TTL: variants seen among roughly 807,000 people sequenced by gnomAD.
TTL encodes the protein tubulin--tyrosine ligase.
TTL carries 10 observed loss-of-function variants against 41.1 expected under a neutral mutation model. The observed-to-expected ratio is 0.24, with a 90% CI of 0.15 to 0.41. The LOEUF (loss-of-function observed/expected upper bound fraction) is 0.41. Ranked by LOEUF, TTL falls within the 10% of genes least tolerant of loss-of-function variation. The pLI is 1.00. For missense variants in TTL, 367 were observed against 460.4 expected (o/e 0.80, Z 1.86); for synonymous variants, 175 against 175.5 (o/e 1.00, Z 0.02).
intron 2 of TTL, among the ~76,000 whole-genome samples, chr2:112,491,938 A>G (rs962647699): frequency 6.6e-6 from 1 of 152,134 alleles, no homozygotes; most frequent in African/African-American, 2.4e-5. Flanking sequence ...CCACGTCAGT[A>G]GTATGCCTTC....
chr2:112,497,999 C>A (rs1435242617), intron 3 of TTL, among the ~76,000 whole-genome samples: 3 of 152,196 alleles, frequency 2.0e-5, no homozygotes, highest in Admixed American at 2.0e-4. Flanking sequence ...TATGTGCCAA[C>A]AATGAACATG....
chr2:112,533,084 A>G lies in TTL; in HGVS notation c.*4289A>G, dbSNP rs776570642. On this transcript the variant is annotated 3_prime_UTR_variant, in exon 7 of 7. Coordinates refer to ENST00000233336, the MANE Select transcript of TTL (RefSeq NM_153712.5). ...TTAACTTGTAACTTCTTGTGCAATA[A>G]GGCTGAATGCTTTGGACATCTTTCC... is the stretch of plus-strand genomic sequence containing the variant. 6.6e-6 allele frequency: 1 copy of G among 152,264 alleles called. No individual in the cohort carries two copies. Among genetic ancestry groups the G allele is most frequent in the African/African-American group, 2.4e-5 (1 of 41,472 alleles). The allele number at this position is 152,264 out of a possible 1,614,324, so 9.4% of individuals were successfully genotyped here. A position where few individuals can be genotyped will look rare whatever the true frequency, so the allele number is the denominator to read the frequency against.
At chr2:112,524,066 T>C (rs1318676026) in intron 6 of TTL, among the ~76,000 whole-genome samples, 6 of 152,158 alleles carry the variant, frequency 3.9e-5, no homozygotes, top group Admixed American at 3.9e-4. Context: ...ATCCCTGTGA[T>C]AGTTTGCTCA....
chr2:112,498,277 C>T lies in TTL; in HGVS notation c.470-2929C>T, dbSNP rs562578914. Among the ~76,000 whole-genome samples, 6 of 152,040 alleles carry T rather than the reference C, an allele frequency of 3.9e-5. No homozygotes were observed. The East Asian group carries it at 5.8e-4, about 15-fold the overall frequency. ...GGCAGAGGTTGCAGTGAGCTGAGAT[C>T]GCACCATTGCACTCCAGCTTGGGCA... On this transcript the variant is annotated intron_variant, in intron 3 of 6. Transcript: ENST00000233336.
At position 112,509,551 on chromosome 2, in the gene TTL, A is replaced by G. The variant is rs530632268; in HGVS notation, c.875+6370A>G. Reference sequence around the variant, plus strand: ...TTCTTAAGCCGGTCTGAAAAGCGCAATATTCGGGTGGGAGTGACCCGATTT... The same window carrying G: ...TTCTTAAGCCGGTCTGAAAAGCGCAGTATTCGGGTGGGAGTGACCCGATTT... On this transcript the variant is annotated intron_variant, in intron 5 of 6. Coordinates refer to ENST00000233336, the MANE Select transcript of TTL (RefSeq NM_153712.5). 4.6e-5 allele frequency among the ~76,000 whole-genome samples: 7 copies of G among 152,204 alleles called. No homozygotes were observed. In the South Asian group the frequency reaches 6.2e-4, roughly 14 times the overall value.
rs781653966 is a variant in TTL, at chr2:112,486,002, G to A, written c.236+7G>A. The A allele has an allele frequency of 5.6e-6, 9 of 1,613,362 alleles. No homozygotes were observed. The highest frequency in any genetic ancestry group is 7.6e-6 in the Non-Finnish European group (9 of 1,179,682). On this transcript the variant is annotated splice_region_variant and intron_variant, in intron 2 of 6. Transcript: ENST00000233336. ...GCAAAGCTTCTTTAGTGAAGTAAGT[G>A]TTAAGACCGCTGTTTTCCATTTTTT...
At chr2:112,526,963 G>A (rs1682389207) in intron 6 of TTL, among the ~76,000 whole-genome samples, 1 of 152,184 alleles carries the variant, frequency 6.6e-6, no homozygotes, top group Admixed American at 6.5e-5. Flanking sequence ...CTTTAAATGT[G>A]TCCCAGAGAT....
In TTL at chr2:112,535,265, A is replaced by G. The variant is rs1682578762; in HGVS notation, c.*6470A>G. On this transcript the variant is annotated 3_prime_UTR_variant, in exon 7 of 7. Transcript: ENST00000233336. ...TTATCCAGTCTGTGGAACAGAAAAA[A>G]AAAATCAGCAAAGAAAAATGATCAG... 1 of 152,194 alleles carries G rather than the reference A, an allele frequency of 6.6e-6. No homozygotes were observed. Among genetic ancestry groups the G allele is most frequent in the African/African-American group, 2.4e-5 (1 of 41,440 alleles). 9.4% of individuals were successfully genotyped at this position (152,194 alleles called of 1,614,324 possible). A position where few individuals can be genotyped will look rare whatever the true frequency, so the allele number is the denominator to read the frequency against.
rs147659044 is a variant in TTL at position 112,521,186 on chromosome 2, G to A, written c.1019+761G>A. 3.5e-4 allele frequency: 345 copies of A among 985,352 alleles called. No homozygotes were observed. The African/African-American group carries it at 5.3e-3, about 15-fold the overall frequency. The allele number at this position is 985,352 out of a possible 1,614,324, so 61.0% of individuals were successfully genotyped here. A position where few individuals can be genotyped will look rare whatever the true frequency, so the allele number is the denominator to read the frequency against. On this transcript the variant is annotated intron_variant, in intron 6 of 6. Transcript: ENST00000233336. ...GAGAGTCTTCCAAAAGAGGTGCAGC[G>A]TCCTGTGGGCTCTCACCCTGTCCCG... is the stretch of plus-strand genomic sequence containing the variant.
chr2:112,498,724 T>C (rs1195345881), intron 3 of TTL, among the ~76,000 whole-genome samples: 5 of 151,978 alleles, frequency 3.3e-5, no homozygotes, highest in Admixed American at 2.0e-4. Context: ...GCCAACATGG[T>C]GAAACCCTGT....
chr2:112,521,534 C>T (rs191145167), intron 6 of TTL, among the ~76,000 whole-genome samples: 4 of 152,320 alleles, frequency 2.6e-5, no homozygotes, highest in Middle Eastern at 3.4e-3. Context: ...CTGCAAGGGA[C>T]GATGTCAACA....
intron 5 of TTL, among the ~76,000 whole-genome samples, chr2:112,504,116 A>C (rs1191458905): frequency 4.9e-5 from 1 of 20,584 alleles, no homozygotes; most frequent in Admixed American, 6.2e-4. Flanking sequence ...TTCCAATTTC[A>C]TCCATGTCCC....
At position 112,509,738 on chromosome 2, in the gene TTL, C is replaced by T. The variant is rs534343116; in HGVS notation, c.875+6557C>T. Among the ~76,000 whole-genome samples the T allele has an allele frequency of 7.9e-5, 12 of 152,338 alleles. No homozygotes were observed. The East Asian group carries it at 9.7e-4, about 12-fold the overall frequency. On this transcript the variant is annotated intron_variant, in intron 5 of 6. Transcript: ENST00000233336. ...CTGGCACTCCCTAGTGAGATGAACC[C>T]GGTAAGGTACCTCAGATGGAAATGC...
intron 6 of TTL, among the ~76,000 whole-genome samples, chr2:112,524,822 T>C (rs1468250419): frequency 2.6e-5 from 4 of 152,334 alleles, no homozygotes; most frequent in African/African-American, 4.8e-5. Context: ...ATTTTTGCTT[T>C]TGTTGCCATT....
Position 112,539,572 on chromosome 2 carries a change from G to C in TTL, c.*10777G>C, listed in dbSNP as rs1682672920. The C allele has an allele frequency of 6.7e-6, 1 of 150,124 alleles. No individual in the cohort carries two copies. The highest frequency in any genetic ancestry group is 2.4e-5 in the African/African-American group (1 of 41,382). 9.3% of individuals were successfully genotyped at this position (150,124 alleles called of 1,614,324 possible). On this transcript the variant is annotated 3_prime_UTR_variant, in exon 7 of 7. Transcript: ENST00000233336. The stretch of plus-strand genomic sequence containing the variant: ...AACCCACAGCCTACATCATATTAAT[G>C]GTGATGTGAAAGCTCCAGTTGGGAG...
In TTL at chr2:112,503,184, A is replaced by AGCACCAAGCACCTCCCTTACCAG; in HGVS notation, c.875+3_875+4insGCACCAAGCACCTCCCTTACCAG. 6.4e-7 allele frequency: 1 copy of AGCACCAAGCACCTCCCTTACCAG among 1,574,096 alleles called. No individual in the cohort carries two copies. The highest frequency in any genetic ancestry group is 8.6e-7 in the Non-Finnish European group (1 of 1,158,188). On this transcript the variant is annotated splice_donor_region_variant and intron_variant, in intron 5 of 6. Coordinates refer to ENST00000233336, the MANE Select transcript of TTL (RefSeq NM_153712.5). ...CTACAAATCAAACATATAATAAGGT[A>AGCACCAAGCACCTCCCTTACCAG]ACTTAATTGTATCTTTTTGGATTAC...
intron 6 of TTL, among the ~76,000 whole-genome samples, chr2:112,521,755 CTG>C (rs1164393666): frequency 6.6e-6 from 1 of 152,180 alleles, no homozygotes; most frequent in African/African-American, 2.4e-5. Context: ...TGGGGAGAGA[CTG>C]TGAGCAGACA....
Position 112,540,860 on chromosome 2 carries a change from A to G in TTL, c.*12065A>G, listed in dbSNP as rs1682711127. 1 of 152,244 alleles carries G rather than the reference A, an allele frequency of 6.6e-6. No individual in the cohort carries two copies. Among genetic ancestry groups the G allele is most frequent in the African/African-American group, 2.4e-5 (1 of 41,462 alleles). 9.4% of individuals were successfully genotyped at this position (152,244 alleles called of 1,614,324 possible). A position where few individuals can be genotyped will look rare whatever the true frequency, so the allele number is the denominator to read the frequency against. ...AGAATGAGTCAAAGACTTAAATGTAAGAGTTGAAACTACAAAACTCTTAGT... is the reference window on the plus strand; with the variant it reads ...AGAATGAGTCAAAGACTTAAATGTAGGAGTTGAAACTACAAAACTCTTAGT... On this transcript the variant is annotated 3_prime_UTR_variant, in exon 7 of 7. Transcript: ENST00000233336.
chr2:112,496,907 G>A (rs1488757829), intron 3 of TTL, among the ~76,000 whole-genome samples: 1 of 151,666 alleles, frequency 6.6e-6, no homozygotes, highest in Admixed American at 6.6e-5. Flanking sequence ...TGCAAGCTCC[G>A]CCTCCCAGGT....
Sources: allele counts gnomAD v4.1 joint callset (sites outside exome capture counted in the v4.1 genomes callset), GRCh38; gene constraint gnomAD v4.1.1; transcripts MANE v1.5; gene names NCBI Gene and HGNC (gene_info 2026-07-23, HGNC 2026-07-21).